Variants in CRPPA observed in about 807,000 individuals in gnomAD.
CRPPA encodes the protein D-ribitol-5-phosphate cytidylyltransferase.
In CRPPA, 43 loss-of-function variants were observed where a neutral mutation model predicts 52.0. That is an observed-to-expected ratio of 0.83 (90% confidence interval 0.65 to 1.07). The LOEUF (loss-of-function observed/expected upper bound fraction) is 1.07. CRPPA is among the 50% of genes least tolerant of loss of function. CRPPA has a pLI of 0.00. For missense variants in CRPPA, 629 were observed against 551.7 expected (o/e 1.14, Z -1.40); for synonymous variants, 250 against 203.5 (o/e 1.23, Z -1.94).
chr7:16,172,786 C>A (rs2128385722), intron 9 of CRPPA, among the ~76,000 whole-genome samples: 1 of 152,038 alleles, frequency 6.6e-6, no homozygotes, highest in South Asian at 2.1e-4. Flanking sequence ...CATGAGGGAT[C>A]CTGGGGTGGG....
intron 2 of CRPPA, among the ~76,000 whole-genome samples, chr7:16,381,109 C>A (rs1402595900): frequency 1.3e-5 from 2 of 151,860 alleles, no homozygotes; most frequent in East Asian, 3.9e-4. Context: ...ATCTTTCCTG[C>A]TTTCTCTTGT....
chr7:16,089,553 A>T lies in CRPPA; in HGVS notation c.*2142T>A, dbSNP rs1234789350. 1 of 244,568 alleles carries T rather than the reference A, an allele frequency of 4.1e-6. No homozygotes were observed. The highest frequency in any genetic ancestry group is 7.8e-5 in the East Asian group (1 of 12,774). The allele number at this position is 244,568 out of a possible 1,614,324, so 15.1% of individuals were successfully genotyped here. A position where few individuals can be genotyped will look rare whatever the true frequency, so the allele number is the denominator to read the frequency against. ...CGTACATACATATATATGTATATAC[A>T]TGTAAGTATATACATATATATGGGT... On this transcript the variant is annotated 3_prime_UTR_variant, in exon 10 of 10. Coordinates refer to ENST00000407010, the MANE Select transcript of CRPPA (RefSeq NM_001101426.4).
intron 8 of CRPPA, among the ~76,000 whole-genome samples, chr7:16,222,350 C>T (rs12216568): frequency 0.22 from 30,496 of 140,442 alleles, 3,645 homozygotes; most frequent in South Asian, 0.41. Flanking sequence ...TGCTAGATGA[C>T]GAGTTAGTGG....
intron 3 of CRPPA, among the ~76,000 whole-genome samples, chr7:16,370,439 A>T (rs193112640): frequency 1.6e-3 from 247 of 152,192 alleles, no homozygotes; most frequent in Non-Finnish European, 3.1e-3. Flanking sequence ...TGAATACATC[A>T]TTGGATCCCT....
intron 9 of CRPPA, among the ~76,000 whole-genome samples, chr7:16,105,389 G>A (rs999807979): frequency 1.3e-5 from 2 of 152,170 alleles, no homozygotes; most frequent in Non-Finnish European, 2.9e-5. Flanking sequence ...ATTTCCCTGG[G>A]TCCCCACAGT....
chr7:16,403,640 C>T (rs369659025), intron 2 of CRPPA, among the ~76,000 whole-genome samples: 7 of 152,174 alleles, frequency 4.6e-5, no homozygotes, highest in South Asian at 4.2e-4. Context: ...ACAGTCTGAA[C>T]GGTGTGTGAC....
intron 9 of CRPPA, among the ~76,000 whole-genome samples, chr7:16,187,597 G>A (rs1326459211): frequency 3.9e-5 from 6 of 152,060 alleles, no homozygotes; most frequent in East Asian, 1.9e-4. Context: ...AGCATGTATC[G>A]ACAATGTGTA....
intron 2 of CRPPA, among the ~76,000 whole-genome samples, chr7:16,389,928 A>AAAAAAAAAAAAAAAATATATATATATAT: frequency 3.4e-5 from 1 of 29,770 alleles, no homozygotes; most frequent in African/African-American, 1.7e-4. Flanking sequence ...AAAAAAAAAA[A>AAAAAAAAAAAAAAAATATATATATATAT]ATATATATAT....
At chr7:16,352,292 C>T (rs368536911) in intron 3 of CRPPA, among the ~76,000 whole-genome samples, 1 of 151,796 alleles carries the variant, frequency 6.6e-6, no homozygotes, top group Non-Finnish European at 1.5e-5. Flanking sequence ...GGAGGGAGAA[C>T]ATTAGGACAA....
At chr7:16,356,705 C>T (rs1786304858) in intron 3 of CRPPA, among the ~76,000 whole-genome samples, 1 of 152,224 alleles carries the variant, frequency 6.6e-6, no homozygotes, top group African/African-American at 2.4e-5. Context: ...TAAATTTCCT[C>T]ATACATTATC....
intron 8 of CRPPA, among the ~76,000 whole-genome samples, chr7:16,235,416 A>G (rs1782923699): frequency 6.6e-6 from 1 of 152,084 alleles, no homozygotes; most frequent in African/African-American, 2.4e-5. Context: ...TAACTGTGGC[A>G]AACTAGGTCA....
rs369263384 is a variant in CRPPA, at chr7:16,214,107, T to C, written c.1251+1959A>G. Among the ~76,000 whole-genome samples, 10 of 152,330 alleles carry C rather than the reference T, an allele frequency of 6.6e-5. No individual in the cohort carries two copies. The East Asian group carries it at 9.7e-4, about 15-fold the overall frequency. ...CAAAGAGGTTATTTTAAGTGATAAA[T>C]TTTCTTTTTGAGTTTGCATGTTAAA... is the stretch of plus-strand genomic sequence containing the variant. On this transcript the variant is annotated intron_variant, in intron 9 of 9. Coordinates refer to ENST00000407010, the MANE Select transcript of CRPPA (RefSeq NM_001101426.4).
intron 3 of CRPPA, among the ~76,000 whole-genome samples, chr7:16,337,359 C>T (rs557894264): frequency 6.6e-6 from 1 of 152,006 alleles, no homozygotes; most frequent in South Asian, 2.1e-4. Context: ...ATGTTCTGAA[C>T]CAACAGGTCA....
At chr7:16,293,746 C>T (rs556114460) in intron 5 of CRPPA, among the ~76,000 whole-genome samples, 18 of 152,078 alleles carry the variant, frequency 1.2e-4, no homozygotes, top group African/African-American at 3.6e-4. Context: ...AGGACAATGG[C>T]ACATAGGCAG....
intron 3 of CRPPA, among the ~76,000 whole-genome samples, chr7:16,349,119 A>G (rs1232788784): frequency 1.3e-5 from 2 of 152,214 alleles, no homozygotes; most frequent in Admixed American, 1.3e-4. Flanking sequence ...TCATGAAAAT[A>G]GAAGAAACTA....
intron 9 of CRPPA, among the ~76,000 whole-genome samples, chr7:16,092,341 A>G (rs1781854261): frequency 6.6e-6 from 1 of 152,216 alleles, no homozygotes; most frequent in African/African-American, 2.4e-5. Context: ...CTAATTATTT[A>G]TGAGAAGATT....
At chr7:16,150,416 T>C (rs1028767734) in intron 9 of CRPPA, among the ~76,000 whole-genome samples, 2 of 152,178 alleles carry the variant, frequency 1.3e-5, no homozygotes, top group African/African-American at 2.4e-5. Context: ...AAAGGGATGC[T>C]GGGGATAAAT....
chr7:16,331,030 C>T (rs766753949), intron 3 of CRPPA, among the ~76,000 whole-genome samples: 20 of 152,152 alleles, frequency 1.3e-4, no homozygotes, highest in Non-Finnish European at 1.9e-4. Flanking sequence ...GATGGAGTCT[C>T]GCTCTGACGC....
intron 3 of CRPPA, among the ~76,000 whole-genome samples, chr7:16,368,761 T>C (rs916085143): frequency 6.6e-6 from 1 of 152,176 alleles, no homozygotes; most frequent in Non-Finnish European, 1.5e-5. Flanking sequence ...AAATAAAGGT[T>C]CAGTAAAAAT....
Sources: gnomAD v4.1 joint callset for allele counts (sites outside exome capture counted in the v4.1 genomes callset) on GRCh38, gnomAD v4.1.1 for gene constraint, MANE v1.5 for transcripts, NCBI Gene and HGNC (gene_info 2026-07-23, HGNC 2026-07-21) for gene names.